PDE11A: variants seen among roughly 807,000 people sequenced by gnomAD.
PDE11A encodes the protein phosphodiesterase 11A, also known as dual 3',5'-cyclic-AMP and -GMP phosphodiesterase 11A.
In PDE11A, 100 loss-of-function variants were observed where a neutral mutation model predicts 100.5. That is an observed-to-expected ratio of 1.00 (90% CI 0.85 to 1.18). The LOEUF (loss-of-function observed/expected upper bound fraction) is 1.18, where lower values mean the gene tolerates loss of function less well. Among genes scored for constraint, PDE11A ranks in the 50% most tolerant of loss-of-function variants. The pLI is 0.00. For synonymous variants in PDE11A, 381 were observed against 420.8 expected (o/e 0.91, Z 1.16); for missense variants, 1,141 against 1,152.6 (o/e 0.99, Z 0.15).
At chr2:177,883,439 A>G (rs907159746) in intron 4 of PDE11A, among the ~76,000 whole-genome samples, 7 of 152,182 alleles carry the variant, frequency 4.6e-5, no homozygotes, top group Non-Finnish European at 7.3e-5. Flanking sequence ...AAGGGGCACA[A>G]ACCATATCCT....
chr2:177,695,928 T>C (rs2081105456), intron 15 of PDE11A, among the ~76,000 whole-genome samples: 1 of 152,050 alleles, frequency 6.6e-6, no homozygotes, highest in South Asian at 2.1e-4. Context: ...AAGAGACAGA[T>C]CTTAAAGGAT....
At position 177,680,905 on chromosome 2, in the gene PDE11A, T is replaced by C. The variant is rs776984134; in HGVS notation, c.2346-2A>G. 11 of 1,529,052 alleles carry C rather than the reference T, an allele frequency of 7.2e-6. No individual in the cohort carries two copies. The highest frequency in any genetic ancestry group is 1.0e-5 in the Non-Finnish European group (11 of 1,105,120). The allele number at this position is 1,529,052 out of a possible 1,614,324, so 94.7% of individuals were successfully genotyped here. ...AGTTCAAAGAATTCAGTTCTCCTCC[T>C]GCAGGAAAATCAAATGAAGAAAGAA... On this transcript the variant is annotated splice_acceptor_variant, in intron 15 of 19. Transcript: ENST00000286063. LOFTEE classifies it high-confidence loss of function.
chr2:177,761,907 C>G (rs889174896), intron 10 of PDE11A, among the ~76,000 whole-genome samples: 1 of 152,104 alleles, frequency 6.6e-6, no homozygotes, highest in Non-Finnish European at 1.5e-5. Context: ...CTAGAGGCTT[C>G]TAGAAGATAC....
intron 2 of PDE11A, among the ~76,000 whole-genome samples, chr2:177,999,316 A>T (rs1401691687): frequency 6.6e-6 from 1 of 152,232 alleles, no homozygotes. Flanking sequence ...CTCTGTCTTC[A>T]TGACAAGGGA....
chr2:178,055,175 G>A (rs4893846), intron 1 of PDE11A, among the ~76,000 whole-genome samples: 49,309 of 151,926 alleles, frequency 0.32, 10,036 homozygotes, highest in East Asian at 0.55. Flanking sequence ...CCATAAAAAA[G>A]GATGAGTTCA....
chr2:177,778,471 A>G (rs1298791554), intron 9 of PDE11A, among the ~76,000 whole-genome samples: 1 of 152,218 alleles, frequency 6.6e-6, no homozygotes, highest in African/African-American at 2.4e-5. Context: ...TCTCAGGCAC[A>G]AAAGGGCTGC....
intron 9 of PDE11A, among the ~76,000 whole-genome samples, chr2:177,798,916 A>G (rs1310525427): frequency 6.6e-6 from 1 of 152,176 alleles, no homozygotes; most frequent in Non-Finnish European, 1.5e-5. Context: ...AGAGGAAAAA[A>G]GAGTAACTGT....
At chr2:177,851,213 A>G (rs2083694867) in intron 5 of PDE11A, among the ~76,000 whole-genome samples, 1 of 152,182 alleles carries the variant, frequency 6.6e-6, no homozygotes, top group Non-Finnish European at 1.5e-5. Flanking sequence ...GCCATAAAAA[A>G]GGATGAGTTC....
chr2:177,722,431 G>A (rs945612938), intron 12 of PDE11A, among the ~76,000 whole-genome samples: 2 of 152,106 alleles, frequency 1.3e-5, no homozygotes, highest in African/African-American at 4.8e-5. Flanking sequence ...TTATCCTTCT[G>A]CCCAATTGTA....
intron 1 of PDE11A, among the ~76,000 whole-genome samples, chr2:178,033,502 C>A (rs184950672): frequency 1.1e-3 from 164 of 152,210 alleles, no homozygotes; most frequent in African/African-American, 3.8e-3. Context: ...GAGAACTTCC[C>A]CAACCTAGCA....
intron 2 of PDE11A, among the ~76,000 whole-genome samples, chr2:178,084,659 C>G (rs1245599096): frequency 6.6e-6 from 1 of 151,220 alleles, no homozygotes; most frequent in African/African-American, 2.4e-5. Context: ...ACAGGTAAGT[C>G]AAAGAGCAAT....
At chr2:177,842,402 A>T (rs2083506180) in intron 5 of PDE11A, among the ~76,000 whole-genome samples, 1 of 152,236 alleles carries the variant, frequency 6.6e-6, no homozygotes, top group African/African-American at 2.4e-5. Context: ...CAGGAACAAA[A>T]GACACAAATG....
At chr2:177,996,645 T>C (rs1264656723) in intron 2 of PDE11A, among the ~76,000 whole-genome samples, 2 of 152,190 alleles carry the variant, frequency 1.3e-5, no homozygotes, top group Non-Finnish European at 2.9e-5. Flanking sequence ...AAATGTAATG[T>C]CATTCCTACA....
chr2:177,918,707 A>G (rs1215992263), intron 2 of PDE11A, among the ~76,000 whole-genome samples: 5 of 152,190 alleles, frequency 3.3e-5, no homozygotes, highest in African/African-American at 1.2e-4. Context: ...TCAAACTTAA[A>G]TATTTGCAAA....
At position 178,014,433 on chromosome 2, in the gene PDE11A, T is replaced by TG; in HGVS notation, c.939dup (p.Lys314GlnfsTer19). The TG allele has an allele frequency of 6.2e-7, 1 of 1,613,400 alleles. No homozygotes were observed. ...GATTTTGTCTTGTATCCAGTTAGCT[T>TG]GTCGATTTCATCATTGAATCGTCGA... On this transcript the variant is annotated frameshift_variant, in exon 2 of 20. Transcript: ENST00000286063. LOFTEE classifies it high-confidence loss of function.
chr2:177,957,918 T>TTTTTTTTTTTTTTTTTTTA (rs71010841), intron 2 of PDE11A, among the ~76,000 whole-genome samples: 1 of 148,184 alleles, frequency 6.7e-6, no homozygotes, highest in Non-Finnish European at 1.5e-5. Flanking sequence ...GCCTTTTTTT[T>TTTTTTTTTTTTTTTTTTTA]GAGACGGAGT....
rs10497485 is a variant in PDE11A at position 177,848,825 on chromosome 2, T to C, written c.1368-8442A>G. Among the ~76,000 whole-genome samples, 1,101 of 152,282 alleles carry C rather than the reference T, an allele frequency of 7.2e-3. 12 individuals are homozygous for C. Among genetic ancestry groups the C allele is most frequent in the African/African-American group, 0.025 (1,025 of 41,544 alleles). On this transcript the variant is annotated intron_variant, in intron 5 of 19. Transcript: ENST00000286063. ...ACCCCAGAACAAGTGACTCAACATC[T>C]TTAATTGTCTGAAAGTCCTGGCTTA...
intron 18 of PDE11A, among the ~76,000 whole-genome samples, chr2:177,668,312 A>C (rs76085148): frequency 6.6e-6 from 1 of 152,110 alleles, no homozygotes; most frequent in African/African-American, 2.4e-5. Flanking sequence ...AACAGTTTTT[A>C]AAGGGGGAAA....
At chr2:177,920,458 A>G (rs2085024184) in intron 2 of PDE11A, among the ~76,000 whole-genome samples, 1 of 152,140 alleles carries the variant, frequency 6.6e-6, no homozygotes, top group Non-Finnish European at 1.5e-5. Flanking sequence ...TATAAATTAA[A>G]ATAACAATGA....
Sources: gnomAD v4.1 joint callset for allele counts (sites outside exome capture counted in the v4.1 genomes callset) on GRCh38, gnomAD v4.1.1 for gene constraint, MANE v1.5 for transcripts, NCBI Gene and HGNC (gene_info 2026-07-23, HGNC 2026-07-21) for gene names.